Variants in TRIB3 observed in about 807,000 individuals in gnomAD.
TRIB3 encodes tribbles pseudokinase 3, also known as tribbles homolog 3.
In TRIB3, 20 loss-of-function variants were observed where a neutral mutation model predicts 16.6. The ratio of observed to expected loss-of-function variants is 1.20; its 90% CI spans 0.85 to 1.75. The LOEUF is 1.75. Among genes scored for constraint, TRIB3 ranks in the 40% most tolerant of loss-of-function variants. The pLI is 0.00. For synonymous variants in TRIB3, 208 were observed against 217.0 expected (o/e 0.96, Z 0.36); for missense variants, 484 against 488.9 (o/e 0.99, Z 0.10).
In TRIB3 at chr20:392,955, G is replaced by A. The variant is rs146563398; in HGVS notation, c.584+1376G>A. On this transcript the variant is annotated intron_variant, in intron 3 of 3. Transcript: ENST00000217233. ...CCAGATTCCTGGGGGCAGTCAAGATGTGTCAGGGAGTGCACTAAGCTGCCA... is the reference window on the plus strand; with the variant it reads ...CCAGATTCCTGGGGGCAGTCAAGATATGTCAGGGAGTGCACTAAGCTGCCA... Among the ~76,000 whole-genome samples, 365 of 152,342 alleles carry A rather than the reference G, an allele frequency of 2.4e-3. 3 individuals carry two copies. The highest frequency in any genetic ancestry group is 0.01 in the Middle Eastern group (3 of 294).
intron 2 of TRIB3, among the ~76,000 whole-genome samples, chr20:390,220 C>G (rs1477888783): frequency 6.6e-6 from 1 of 151,984 alleles, no homozygotes; most frequent in East Asian, 1.9e-4. Context: ...CCCAGCTACT[C>G]GAGAGGCTGA....
At chr20:382,404 G>C in intron 1 of TRIB3, 5 of 880,906 alleles carry the variant, frequency 5.7e-6, no homozygotes, top group Non-Finnish European at 8.7e-6. Flanking sequence ...ACAGGCCAGA[G>C]GGACTCCAGG....
intron 1 of TRIB3, among the ~76,000 whole-genome samples, chr20:383,836 A>G (rs2014724815): frequency 6.6e-6 from 1 of 152,170 alleles, no homozygotes; most frequent in South Asian, 2.1e-4. Context: ...CTGCACTGCC[A>G]CTATTCCACA....
chr20:382,764 T>C, intron 1 of TRIB3: 1 of 664,180 alleles, frequency 1.5e-6, no homozygotes. Flanking sequence ...ACCCCCCAGC[T>C]AGAAAGGGTT....
intron 3 of TRIB3, among the ~76,000 whole-genome samples, chr20:395,129 G>GTTT (rs1298852407): frequency 6.6e-6 from 1 of 150,480 alleles, no homozygotes; most frequent in Admixed American, 6.6e-5. Context: ...AGTGGAAGTT[G>GTTT]TTTAAAGTAG....
At chr20:392,800 C>T (rs954742292) in intron 3 of TRIB3, among the ~76,000 whole-genome samples, 5 of 152,034 alleles carry the variant, frequency 3.3e-5, no homozygotes, top group Admixed American at 2.0e-4. Flanking sequence ...TTAGGTGATC[C>T]GCCTGCCTCG....
At chr20:388,538 G>A (rs922954895) in intron 2 of TRIB3, among the ~76,000 whole-genome samples, 5 of 152,196 alleles carry the variant, frequency 3.3e-5, no homozygotes, top group African/African-American at 4.8e-5. Flanking sequence ...TGCAGGGGTA[G>A]AACTTAGGGA....
intron 1 of TRIB3, among the ~76,000 whole-genome samples, chr20:384,403 C>CG (rs1172131907): frequency 6.6e-6 from 1 of 152,002 alleles, no homozygotes; most frequent in Non-Finnish European, 1.5e-5. Context: ...CTTGCTCTGT[C>CG]CCCAGGCTGG....
At chr20:382,130 T>TGTGTGC (rs1415937656) in intron 1 of TRIB3, among the ~76,000 whole-genome samples, 1 of 135,098 alleles carries the variant, frequency 7.4e-6, no homozygotes, top group Admixed American at 7.3e-5. Context: ...TGTGTGTGCG[T>TGTGTGC]GCGCGCGCGC....
intron 1 of TRIB3, chr20:382,727 G>C: frequency 1.2e-6 from 1 of 822,698 alleles, no homozygotes; most frequent in Non-Finnish European, 2.0e-6. Context: ...CTGAGGCTCA[G>C]AAAGCTTGAG....
At chr20:388,842 C>T (rs1470554383) in intron 2 of TRIB3, among the ~76,000 whole-genome samples, 4 of 152,134 alleles carry the variant, frequency 2.6e-5, no homozygotes, top group African/African-American at 7.2e-5. Context: ...ATCAAAACTC[C>T]TGGGACCTCG....
At position 388,048 on chromosome 20, in the gene TRIB3, T is replaced by C. The variant is rs919254456; in HGVS notation, c.38T>C (p.Leu13Pro). The change falls in exon 2 of 4, where the codon CTG (leucine) becomes CCG (proline). Residue 13 changes from leucine (L) to proline (P), a missense_variant. Coordinates refer to ENST00000217233, the MANE Select transcript of TRIB3 (RefSeq NM_021158.5). The part of the protein sequence containing the change: ...ATPLAAPAGS[L>P]SRKKRLELDD... The stretch of plus-strand genomic sequence containing the variant: ...CCTCTGGCTGCTCCTGCGGGTTCCC[T>C]GTCCAGGAAGAAGCGGTTGGAGTTG... The C allele has an allele frequency of 3.1e-6, 5 of 1,613,938 alleles. No homozygotes were observed. The highest frequency in any genetic ancestry group is 1.3e-5 in the African/African-American group (1 of 74,936).
chr20:388,949 TGG>T (rs2014898799), intron 2 of TRIB3, among the ~76,000 whole-genome samples: 1 of 152,074 alleles, frequency 6.6e-6, no homozygotes, highest in Non-Finnish European at 1.5e-5. Context: ...GCACTGGGCC[TGG>T]CTCCTGGGGT....
Position 396,442 on chromosome 20 carries a change from G to T in TRIB3, c.829G>T (p.Ala277Ser). The change falls in exon 4 of 4, where the codon GCC becomes TCC. Residue 277 changes from alanine (A) to serine (S), a missense_variant. Ala to Ser is a moderately conservative substitution (Grantham distance 99, BLOSUM62 1). Transcript: ENST00000217233. ...VLLFGKIRRG[A>S]YALPAGLSAP... ...GCTCTTCGGCAAGATCCGCCGCGGG[G>T]CCTACGCCTTGCCTGCAGGCCTCTC... 1 of 1,612,768 alleles carries T rather than the reference G, an allele frequency of 6.2e-7. No individual in the cohort carries two copies. Among genetic ancestry groups the T allele is most frequent in the South Asian group, 1.1e-5 (1 of 91,080 alleles).
chr20:388,054 G>A lies in TRIB3; in HGVS notation c.44G>A (p.Arg15Lys). The change falls in exon 2 of 4, where the codon AGG (arginine) becomes AAG (lysine). Residue 15 changes from arginine (R) to lysine (K), a missense_variant. By Grantham distance (26) the Arg-to-Lys change is conservative. Coordinates refer to ENST00000217233, the MANE Select transcript of TRIB3 (RefSeq NM_021158.5). Reference protein sequence around the residue: ...PLAAPAGSLSRKKRLELDDNL... With the variant: ...PLAAPAGSLSKKKRLELDDNL... ...GCTGCTCCTGCGGGTTCCCTGTCCA[G>A]GAAGAAGCGGTTGGAGTTGGATGAC... 7 of 1,614,094 alleles carry A rather than the reference G, an allele frequency of 4.3e-6. No homozygotes were observed. The highest frequency in any genetic ancestry group is 5.9e-6 in the Non-Finnish European group (7 of 1,180,018).
chr20:395,990 T>G (rs1480731783), intron 3 of TRIB3, among the ~76,000 whole-genome samples: 3 of 152,214 alleles, frequency 2.0e-5, no homozygotes, highest in Non-Finnish European at 4.4e-5. Context: ...TAGTTTAAAT[T>G]TAATTGCTCT....
chr20:396,425 GCAAGA>G lies in TRIB3; in HGVS notation c.813_817del (p.Lys272ProfsTer29). ...GACTCGGAGCCTGTCCTGCTCTTCG[GCAAGA>G]TCCGCCGCGGGGCCTACGCCTTGCC... On this transcript the variant is annotated frameshift_variant, in exon 4 of 4. Transcript: ENST00000217233. LOFTEE classifies it low-confidence loss of function (END_TRUNC). 1 of 1,612,886 alleles carries G rather than the reference GCAAGA, an allele frequency of 6.2e-7. No homozygotes were observed.
At chr20:385,476 C>T (rs983255777) in intron 1 of TRIB3, 2 of 149,792 alleles carry the variant, frequency 1.3e-5, no homozygotes, top group Non-Finnish European at 3.0e-5. Flanking sequence ...CCACCGTGTT[C>T]TTGGGGAACA....
chr20:392,108 C>A lies in TRIB3; in HGVS notation c.584+529C>A, dbSNP rs1297486754. ...CACTGAGATGTGAAAGTCATAGTAG[C>A]CGACAGTGACGAAAGCATCGCCACA... On this transcript the variant is annotated intron_variant, in intron 3 of 3. Transcript: ENST00000217233. Among the ~76,000 whole-genome samples the A allele has an allele frequency of 5.3e-5, 8 of 152,232 alleles. No individual in the cohort carries two copies. The South Asian group carries it at 1.7e-3, about 32-fold the overall frequency.
Sources: gnomAD v4.1 joint callset for allele counts (sites outside exome capture counted in the v4.1 genomes callset) on GRCh38, gnomAD v4.1.1 for gene constraint, MANE v1.5 for transcripts, NCBI Gene and HGNC (gene_info 2026-07-23, HGNC 2026-07-21) for gene names.